The following WDR19 variants were observed in gnomAD, a reference collection of about 807,000 sequenced individuals.
WDR19 encodes the protein WD repeat domain 19, also known as WD repeat-containing protein 19.
In WDR19, 121 loss-of-function variants were observed where a neutral mutation model predicts 180.0. That is an observed-to-expected ratio of 0.67 (90% CI 0.58 to 0.78). The LOEUF is 0.78. Ranked by LOEUF, WDR19 falls within the 30% of genes least tolerant of loss-of-function variation. WDR19 has a pLI of 0.00. For synonymous variants in WDR19, 497 were observed against 540.7 expected, an observed-to-expected ratio of 0.92 and a Z score of 1.12; for missense variants, 1,450 against 1,640.7, an observed-to-expected ratio of 0.88 and a Z score of 2.01.
intron 24 of WDR19, among the ~76,000 whole-genome samples, chr4:39,250,477 A>G (rs1733042947): frequency 6.6e-6 from 1 of 152,190 alleles, no homozygotes; most frequent in Admixed American, 6.5e-5. Flanking sequence ...CACCACTCCT[A>G]TTCAACATAG....
Position 39,268,002 on chromosome 4 carries a change from A to G in WDR19, c.3269A>G (p.Lys1090Arg). ...TAATGGTTTATGTGTCAGGATGCCA[A>G]GTACCTGTTCCGCTTGTACATGGCT... is the stretch of plus-strand genomic sequence containing the variant. The part of the protein sequence containing the change: ...GENDGMPKDA[K>R]YLFRLYMALK... The change falls in exon 30 of 37, where the codon AAG becomes AGG. Residue 1090 changes from lysine to arginine, a missense_variant. Lys to Arg is a conservative substitution (Grantham distance 26). Coordinates refer to ENST00000399820, the MANE Select transcript of WDR19 (RefSeq NM_025132.4). The G allele has an allele frequency of 6.2e-7, 1 of 1,602,158 alleles. No homozygotes were observed. The highest frequency in any genetic ancestry group is 8.5e-7 in the Non-Finnish European group (1 of 1,174,124).
chr4:39,199,118 A>G (rs1727107676), intron 5 of WDR19, among the ~76,000 whole-genome samples: 1 of 152,150 alleles, frequency 6.6e-6, no homozygotes, highest in African/African-American at 2.4e-5. Context: ...GTGAGCTGAG[A>G]TCACACCACT....
At chr4:39,200,845 A>G (rs575315738) in intron 6 of WDR19, among the ~76,000 whole-genome samples, 2 of 152,342 alleles carry the variant, frequency 1.3e-5, no homozygotes, top group East Asian at 3.9e-4. Flanking sequence ...ACTCTTAAGA[A>G]GACATTAGTA....
intron 20 of WDR19, among the ~76,000 whole-genome samples, chr4:39,239,046 A>C (rs1731644218): frequency 6.6e-6 from 1 of 152,194 alleles, no homozygotes; most frequent in Admixed American, 6.5e-5. Context: ...GCGCAATTTC[A>C]GCTCACTGCA....
intron 21 of WDR19, among the ~76,000 whole-genome samples, chr4:39,242,366 C>T (rs1361699186): frequency 6.6e-6 from 1 of 152,184 alleles, no homozygotes; most frequent in Non-Finnish European, 1.5e-5. Context: ...AAGCCATCCT[C>T]CCGCCTTAGC....
intron 4 of WDR19, among the ~76,000 whole-genome samples, chr4:39,192,177 T>C (rs761580116): frequency 2.0e-5 from 3 of 152,238 alleles, no homozygotes; most frequent in Non-Finnish European, 4.4e-5. Flanking sequence ...TATCTTATTA[T>C]ATATGATCAC....
chr4:39,200,096 G>T (rs1250183773), intron 6 of WDR19, among the ~76,000 whole-genome samples: 1 of 152,184 alleles, frequency 6.6e-6, no homozygotes, highest in African/African-American at 2.4e-5. Context: ...ATGGGAATTT[G>T]TATCGCCAGT....
At chr4:39,275,371 T>C (rs1382741278) in intron 33 of WDR19, 1 of 277,188 alleles carries the variant, frequency 3.6e-6, no homozygotes, top group Non-Finnish European at 7.0e-6. Flanking sequence ...GGCATATCAA[T>C]TAGGATTGTA....
At chr4:39,192,752 G>A (rs1288882814) in intron 4 of WDR19, among the ~76,000 whole-genome samples, 3 of 152,142 alleles carry the variant, frequency 2.0e-5, no homozygotes, top group Non-Finnish European at 2.9e-5. Flanking sequence ...GTGAGCCACC[G>A]TGCCCAGCCC....
At chr4:39,244,626 C>G in intron 23 of WDR19, 74 bp downstream of exon 23, 1 of 1,510,058 alleles carries the variant, frequency 6.6e-7, no homozygotes, top group Non-Finnish European at 9.2e-7. Flanking sequence ...CCACTTGCCT[C>G]CTTGCCATGC....
intron 1 of WDR19, among the ~76,000 whole-genome samples, chr4:39,183,217 C>G (rs946748704): frequency 4.1e-5 from 6 of 146,554 alleles, no homozygotes; most frequent in Non-Finnish European, 9.0e-5. Context: ...AGAGCAGTCC[C>G]CCCTTGCTCT....
At chr4:39,212,153 A>G (rs1406779080) in intron 9 of WDR19, among the ~76,000 whole-genome samples, 1 of 152,240 alleles carries the variant, frequency 6.6e-6, no homozygotes, top group Non-Finnish European at 1.5e-5. Context: ...AATGGAACAG[A>G]ATAGAGAAGA....
intron 25 of WDR19, among the ~76,000 whole-genome samples, chr4:39,253,551 G>A (rs1347378296): frequency 1.3e-5 from 2 of 152,244 alleles, no homozygotes; most frequent in East Asian, 3.9e-4. Context: ...GCTGAGGCAG[G>A]TGGATCACCT....
At chr4:39,232,308 G>A (rs969681101) in intron 19 of WDR19, 36 bp downstream of exon 19, 4 of 1,526,378 alleles carry the variant, frequency 2.6e-6, no homozygotes, top group African/African-American at 1.4e-5. Context: ...TTGTGTAAGA[G>A]GTATCCAGTG....
intron 33 of WDR19, 147 bp downstream of exon 33, chr4:39,275,105 T>A: frequency 1.0e-6 from 1 of 985,622 alleles, no homozygotes; most frequent in Non-Finnish European, 1.5e-6. Flanking sequence ...TTTGGAAGGC[T>A]GAGGTGGACA....
intron 29 of WDR19, among the ~76,000 whole-genome samples, chr4:39,266,876 G>T (rs1734849834): frequency 6.6e-6 from 1 of 152,214 alleles, no homozygotes; most frequent in Admixed American, 6.5e-5. Flanking sequence ...TTGAGGTCAG[G>T]AGTTGGAGAC....
chr4:39,228,734 G>A (rs762383234), intron 17 of WDR19, 44 bp downstream of exon 17: 3 of 1,469,650 alleles, frequency 2.0e-6, no homozygotes, highest in Middle Eastern at 1.8e-4. Flanking sequence ...ATTTGCTTTT[G>A]TGATTTTAAA....
intron 9 of WDR19, 94 bp from the exon 10 acceptor site, chr4:39,214,507 G>C: frequency 1.4e-6 from 1 of 703,782 alleles, no homozygotes; most frequent in East Asian, 2.8e-5. Flanking sequence ...TTGGAGACCA[G>C]TAACCTATTC....
chr4:39,235,301 A>AT (rs1313671579), intron 20 of WDR19, among the ~76,000 whole-genome samples: 5 of 151,700 alleles, frequency 3.3e-5, no homozygotes, highest in Non-Finnish European at 5.9e-5. Context: ...TAATTTTTAA[A>AT]TTTTTTTTAA....
Sources: gnomAD v4.1 joint callset for allele counts (sites outside exome capture counted in the v4.1 genomes callset) on GRCh38, gnomAD v4.1.1 for gene constraint, MANE v1.5 for transcripts, NCBI Gene and HGNC (gene_info 2026-07-23, HGNC 2026-07-21) for gene names.